The following CNTNAP2 variants were observed in gnomAD, a reference collection of about 807,000 sequenced individuals.
CNTNAP2 encodes contactin associated protein 2.
A neutral mutation model predicts 155.2 loss-of-function variants in CNTNAP2; 98 were observed. The ratio of observed to expected loss-of-function variants is 0.63; its 90% CI spans 0.54 to 0.75. The LOEUF (loss-of-function observed/expected upper bound fraction) is 0.75. CNTNAP2 is among the 30% of genes least tolerant of loss of function. The pLI is 0.00. For missense variants in CNTNAP2, 1,727 were observed against 1,688.1 expected (o/e 1.02, Z -0.40); for synonymous variants, 651 against 631.2 (o/e 1.03, Z -0.47).
intron 15 of CNTNAP2, among the ~76,000 whole-genome samples, chr7:148,038,194 G>A (rs550681456): frequency 6.6e-6 from 1 of 152,216 alleles, no homozygotes; most frequent in South Asian, 2.1e-4. Context: ...ATAGAGCATG[G>A]TCTTCAAGGC....
At chr7:146,522,898 G>A (rs994947684) in intron 1 of CNTNAP2, among the ~76,000 whole-genome samples, 2 of 151,594 alleles carry the variant, frequency 1.3e-5, no homozygotes, top group Non-Finnish European at 2.9e-5. Context: ...ATGAGTGAGA[G>A]ATACTTGGAA....
At chr7:146,353,541 C>T (rs116301442) in intron 1 of CNTNAP2, among the ~76,000 whole-genome samples, 1,580 of 152,228 alleles carry the variant, frequency 0.01, 32 homozygotes, top group African/African-American at 0.036. Flanking sequence ...CTGTCTTCTC[C>T]TGAAAGCCTC....
chr7:146,819,171 T>G (rs1456299148), intron 2 of CNTNAP2, among the ~76,000 whole-genome samples: 3 of 152,168 alleles, frequency 2.0e-5, no homozygotes, highest in Non-Finnish European at 4.4e-5. Flanking sequence ...GATGAAAATT[T>G]AAAAGTTTCC....
At chr7:147,393,157 C>T (rs1303427134) in intron 9 of CNTNAP2, among the ~76,000 whole-genome samples, 3 of 151,882 alleles carry the variant, frequency 2.0e-5, no homozygotes, top group Non-Finnish European at 2.9e-5. Flanking sequence ...CAAAGATTAA[C>T]GATGTCCATC....
chr7:147,944,301 T>A (rs1036617269), intron 14 of CNTNAP2, among the ~76,000 whole-genome samples: 5 of 152,226 alleles, frequency 3.3e-5, no homozygotes, highest in African/African-American at 1.2e-4. Flanking sequence ...ACATTCATGT[T>A]AAATAAATAC....
At position 147,174,571 on chromosome 7, in the gene CNTNAP2, C is replaced by G. The variant is rs1383512912; in HGVS notation, c.1348+42062C>G. Reference sequence around the variant, plus strand: ...AGAGAAAGGAACCGTGACTTAGAAACTCTATAAAATATAATCCACATAGAT... The same window carrying G: ...AGAGAAAGGAACCGTGACTTAGAAAGTCTATAAAATATAATCCACATAGAT... On this transcript the variant is annotated intron_variant, in intron 8 of 23. Transcript: ENST00000361727. Among the ~76,000 whole-genome samples, 4 of 152,222 alleles carry G rather than the reference C, an allele frequency of 2.6e-5. No individual in the cohort carries two copies. The East Asian group carries it at 5.8e-4, about 22-fold the overall frequency.
intron 1 of CNTNAP2, among the ~76,000 whole-genome samples, chr7:146,369,030 T>TATATATATATATATATATATATAC (rs1795194735): frequency 2.5e-5 from 2 of 81,102 alleles, no homozygotes; most frequent in Non-Finnish European, 4.1e-5. Flanking sequence ...AAGCATTATG[T>TATATATATATATATATATATATAC]ATATATATAT....
intron 10 of CNTNAP2, among the ~76,000 whole-genome samples, chr7:147,414,043 G>T (rs539531989): frequency 5.3e-5 from 8 of 152,236 alleles, no homozygotes; most frequent in African/African-American, 1.9e-4. Context: ...TTTCTCACTT[G>T]TATCACCTGT....
At chr7:147,111,453 C>G (rs1800878267) in intron 5 of CNTNAP2, among the ~76,000 whole-genome samples, 1 of 152,098 alleles carries the variant, frequency 6.6e-6, no homozygotes, top group African/African-American at 2.4e-5. Flanking sequence ...GTGCCCATGT[C>G]CTGAATGGAA....
At chr7:146,358,668 G>C (rs932491587) in intron 1 of CNTNAP2, among the ~76,000 whole-genome samples, 6 of 152,172 alleles carry the variant, frequency 3.9e-5, no homozygotes, top group Non-Finnish European at 1.5e-5. Context: ...TTATTCTAGA[G>C]AGTGTTAACC....
chr7:147,057,740 A>T (rs1799589214), intron 4 of CNTNAP2, among the ~76,000 whole-genome samples: 1 of 152,328 alleles, frequency 6.6e-6, no homozygotes, highest in South Asian at 2.1e-4. Context: ...AAATCAGTTC[A>T]TTGTGTTCCT....
chr7:146,979,134 A>G (rs533365612), intron 3 of CNTNAP2, among the ~76,000 whole-genome samples: 5 of 152,268 alleles, frequency 3.3e-5, no homozygotes, highest in Middle Eastern at 6.8e-3. Flanking sequence ...TGTTAGTGGT[A>G]ACAATTTGAA....
chr7:146,963,921 AT>A (rs1797605593), intron 3 of CNTNAP2, among the ~76,000 whole-genome samples: 1 of 151,724 alleles, frequency 6.6e-6, no homozygotes, highest in African/African-American at 2.4e-5. Context: ...TGGTTTATTT[AT>A]TTCACTGTAT....
chr7:146,769,548 G>C (rs1054457643), intron 1 of CNTNAP2, among the ~76,000 whole-genome samples: 7 of 152,056 alleles, frequency 4.6e-5, no homozygotes, highest in Admixed American at 1.3e-4. Context: ...ATTCATTGTG[G>C]GCTCTTTCAT....
intron 11 of CNTNAP2, among the ~76,000 whole-genome samples, chr7:147,549,802 C>T (rs190878840): frequency 3.9e-5 from 6 of 152,300 alleles, no homozygotes; most frequent in Admixed American, 3.9e-4. Flanking sequence ...ATTATCCACA[C>T]CATGTCTTCT....
intron 3 of CNTNAP2, among the ~76,000 whole-genome samples, chr7:146,959,546 C>A (rs547144240): frequency 6.6e-6 from 1 of 151,162 alleles, no homozygotes; most frequent in South Asian, 2.1e-4. Context: ...ATGGTGAAAC[C>A]CTGCCTCTAC....
chr7:148,411,027 A>C (rs1288042981), intron 23 of CNTNAP2, among the ~76,000 whole-genome samples: 3 of 152,152 alleles, frequency 2.0e-5, no homozygotes, highest in Non-Finnish European at 4.4e-5. Flanking sequence ...TAAAAACTAA[A>C]AATGTATCAG....
chr7:147,826,887 A>G (rs961313518), intron 13 of CNTNAP2, among the ~76,000 whole-genome samples: 1 of 151,816 alleles, frequency 6.6e-6, no homozygotes, highest in Non-Finnish European at 1.5e-5. Flanking sequence ...AAGAAAGAAT[A>G]TCATTAAGTG....
chr7:146,995,704 A>G (rs1204363767), intron 3 of CNTNAP2, among the ~76,000 whole-genome samples: 1 of 152,044 alleles, frequency 6.6e-6, no homozygotes, highest in Admixed American at 6.6e-5. Flanking sequence ...TCAGTTTCTT[A>G]TACATTTTGA....
Sources: allele counts gnomAD v4.1 joint callset (sites outside exome capture counted in the v4.1 genomes callset), GRCh38; gene constraint gnomAD v4.1.1; transcripts MANE v1.5; gene names NCBI Gene and HGNC (gene_info 2026-07-23, HGNC 2026-07-21).